The following ADGRL3 variants were observed in gnomAD, a reference collection of about 807,000 sequenced individuals.
ADGRL3 encodes adhesion G protein-coupled receptor L3.
ADGRL3 carries 62 observed loss-of-function variants against 153.5 expected under a neutral mutation model. That is an observed-to-expected ratio of 0.40 (90% CI 0.33 to 0.50). The LOEUF (loss-of-function observed/expected upper bound fraction) is 0.50, where lower values mean the gene tolerates loss of function less well. Ranked by LOEUF, ADGRL3 falls within the 20% of genes least tolerant of loss-of-function variation. ADGRL3 has a pLI of 0.47. For missense variants in ADGRL3, 1,641 were observed against 1,859.4 expected, an observed-to-expected ratio of 0.88 and a Z score of 2.16; for synonymous variants, 710 against 672.5, an observed-to-expected ratio of 1.06 and a Z score of -0.86.
At chr4:62,048,997 T>C (rs1036326326) in intron 25 of ADGRL3, among the ~76,000 whole-genome samples, 11 of 152,288 alleles carry the variant, frequency 7.2e-5, no homozygotes, top group Admixed American at 6.5e-4. Flanking sequence ...TAGGATATTT[T>C]CTGAAATTAG....
At chr4:61,221,180 TTAA>T (rs1249743126) in intron 1 of ADGRL3, among the ~76,000 whole-genome samples, 12 of 152,194 alleles carry the variant, frequency 7.9e-5, no homozygotes, top group African/African-American at 2.7e-4. Context: ...TAAACGTGTA[TTAA>T]TAATTAGGGA....
chr4:61,862,453 T>C (rs1271321878), intron 9 of ADGRL3, among the ~76,000 whole-genome samples: 1 of 152,194 alleles, frequency 6.6e-6, no homozygotes, highest in Non-Finnish European at 1.5e-5. Flanking sequence ...CATTGTCAAC[T>C]GTAGTTCAGG....
At chr4:61,381,708 A>C (rs2096670896) in intron 1 of ADGRL3, among the ~76,000 whole-genome samples, 1 of 152,018 alleles carries the variant, frequency 6.6e-6, no homozygotes, top group Non-Finnish European at 1.5e-5. Flanking sequence ...AGATATGTAG[A>C]ACATTTGAAG....
intron 1 of ADGRL3, among the ~76,000 whole-genome samples, chr4:61,313,108 C>T (rs920770666): frequency 2.0e-5 from 3 of 152,058 alleles, no homozygotes; most frequent in African/African-American, 7.2e-5. Context: ...GAAATGTAAG[C>T]ATTAAGTGAA....
At chr4:61,669,341 T>C (rs11131340) in intron 5 of ADGRL3, among the ~76,000 whole-genome samples, 89,416 of 151,918 alleles carry the variant, frequency 0.59, 27,736 homozygotes, top group Non-Finnish European at 0.72. Context: ...AGTCTTAGGA[T>C]GACAGGCAGT....
intron 8 of ADGRL3, among the ~76,000 whole-genome samples, chr4:61,786,687 G>T (rs1397247030): frequency 6.6e-6 from 1 of 152,134 alleles, no homozygotes; most frequent in Non-Finnish European, 1.5e-5. Context: ...TTAAAAAATT[G>T]TAGCTCTTAC....
chr4:61,392,684 CAAAAAAAAA>C (rs397993633), intron 2 of ADGRL3, among the ~76,000 whole-genome samples: 2 of 13,364 alleles, frequency 1.5e-4, no homozygotes, highest in Non-Finnish European at 3.5e-4. Context: ...GACTCCATCT[CAAAAAAAAA>C]AAAAAAAAAA....
intron 8 of ADGRL3, among the ~76,000 whole-genome samples, chr4:61,765,190 C>G (rs968200585): frequency 6.6e-6 from 1 of 151,926 alleles, no homozygotes; most frequent in African/African-American, 2.4e-5. Context: ...GCAGTGTAAA[C>G]AAGAGCAGGG....
rs549948377 is a variant in ADGRL3 at position 61,975,205 on chromosome 4, TAGAG to T, written c.2806-4353_2806-4350del. Among the ~76,000 whole-genome samples, 47 of 152,136 alleles carry T rather than the reference TAGAG, an allele frequency of 3.1e-4. No individual in the cohort carries two copies. The East Asian group carries it at 8.7e-3, about 28-fold the overall frequency. ...GGGGAAAATAATGCAAGGAAAGCAA[TAGAG>T]AGAGTCAGAATACGGAAAAGGGGTC... On this transcript the variant is annotated intron_variant, in intron 17 of 26. Coordinates refer to ENST00000683033, the MANE Select transcript of ADGRL3 (RefSeq NM_001387552.1).
chr4:61,501,824 T>A (rs1450747483), intron 3 of ADGRL3, among the ~76,000 whole-genome samples: 1 of 152,196 alleles, frequency 6.6e-6, no homozygotes, highest in Non-Finnish European at 1.5e-5. Flanking sequence ...TACATCAATA[T>A]CACATAAATA....
intron 2 of ADGRL3, among the ~76,000 whole-genome samples, chr4:61,451,819 C>T (rs963811609): frequency 2.6e-5 from 4 of 152,098 alleles, no homozygotes; most frequent in African/African-American, 4.8e-5. Flanking sequence ...TGGCAGTCCT[C>T]CTTAATCATT....
intron 2 of ADGRL3, among the ~76,000 whole-genome samples, chr4:61,386,914 A>C (rs2096743663): frequency 6.6e-6 from 1 of 152,220 alleles, no homozygotes; most frequent in Non-Finnish European, 1.5e-5. Context: ...TAATGAATTC[A>C]GTCCGTGCAA....
chr4:61,720,204 C>A (rs1449423589), intron 6 of ADGRL3, among the ~76,000 whole-genome samples: 2 of 151,646 alleles, frequency 1.3e-5, no homozygotes, highest in Admixed American at 6.6e-5. Flanking sequence ...ATTCTTCTGC[C>A]TCAGCCTCCT....
At chr4:61,365,030 G>GA (rs1340021756) in intron 1 of ADGRL3, among the ~76,000 whole-genome samples, 21 of 151,960 alleles carry the variant, frequency 1.4e-4, no homozygotes, top group Admixed American at 9.2e-4. Context: ...CTAAAAGACA[G>GA]AAAAAAATGC....
chr4:61,578,075 A>G (rs2149242520), intron 4 of ADGRL3, among the ~76,000 whole-genome samples: 1 of 152,230 alleles, frequency 6.6e-6, no homozygotes. Context: ...ATTTCACTTC[A>G]CTAATGAAAT....
chr4:61,725,332 G>A (rs1389757182), intron 6 of ADGRL3, among the ~76,000 whole-genome samples: 7 of 152,048 alleles, frequency 4.6e-5, no homozygotes, highest in Non-Finnish European at 8.8e-5. Flanking sequence ...TCTACTTAAG[G>A]CTGGGTGCAG....
intron 1 of ADGRL3, among the ~76,000 whole-genome samples, chr4:61,352,394 C>CTT (rs373552031): frequency 1.4e-5 from 2 of 145,064 alleles, no homozygotes; most frequent in Admixed American, 6.9e-5. Context: ...TAAACATAAC[C>CTT]TTTTTTTTTT....
At chr4:61,842,488 G>A (rs1361001639) in intron 9 of ADGRL3, among the ~76,000 whole-genome samples, 1 of 152,106 alleles carries the variant, frequency 6.6e-6, no homozygotes, top group Non-Finnish European at 1.5e-5. Flanking sequence ...CTAGGTAGCT[G>A]GCTGATTGAA....
At chr4:61,357,815 T>G (rs756955091) in intron 1 of ADGRL3, among the ~76,000 whole-genome samples, 2 of 152,064 alleles carry the variant, frequency 1.3e-5, no homozygotes, top group Non-Finnish European at 2.9e-5. Flanking sequence ...TTTACTATAT[T>G]TAAAATGGAA....
Sources: allele counts gnomAD v4.1 joint callset (sites outside exome capture counted in the v4.1 genomes callset), GRCh38; gene constraint gnomAD v4.1.1; transcripts MANE v1.5; gene names NCBI Gene and HGNC (gene_info 2026-07-23, HGNC 2026-07-21).